ZNF160: variants seen among roughly 807,000 people sequenced by gnomAD.
ZNF160 encodes the protein KRAB zinc finger protein KR18.
ZNF160 carries 9 observed loss-of-function variants against 13.1 expected under a neutral mutation model. That is an observed-to-expected ratio of 0.69 (90% confidence interval 0.41 to 1.20). The LOEUF (loss-of-function observed/expected upper bound fraction) is 1.20. ZNF160 is among the 50% of genes most tolerant of loss of function. The pLI is 0.01. For missense variants in ZNF160, 838 were observed against 988.0 expected (o/e 0.85, Z 2.04); for synonymous variants, 293 against 333.2 (o/e 0.88, Z 1.31).
rs1229631455 is a variant in ZNF160, at chr19:53,069,208, C to G, written c.1326G>C (p.Arg442Ser). The change falls in exon 6 of 6, where the codon AGG becomes AGC. Residue 442 changes from arginine (R) to serine (S), a missense_variant. Coordinates refer to ENST00000683776, the MANE Select transcript of ZNF160 (RefSeq NM_001322131.2). This position sits in a 1 kb window ranked among gnomAD's most constrained non-coding sequence, Gnocchi z 4.4. Reference sequence around the variant, plus strand: ...TCTCACCAGTATGAACTCTCCGATGCCTTCCGAGGTATGAATTGTACCTAA... The same window carrying G: ...TCTCACCAGTATGAACTCTCCGATGGCTTCCGAGGTATGAATTGTACCTAA... The part of the protein sequence containing the change: ...KVFRYNSYLG[R>S]HRRVHTGEKP... The G allele has an allele frequency of 1.9e-6, 3 of 1,610,872 alleles. No individual in the cohort carries two copies. The highest frequency in any genetic ancestry group is 2.5e-6 in the Non-Finnish European group (3 of 1,177,896).
intron 1 of ZNF160, among the ~76,000 whole-genome samples, 196 bp downstream of exon 1, chr19:53,103,069 A>T (rs1333098698): frequency 6.6e-6 from 1 of 152,088 alleles, no homozygotes; most frequent in Non-Finnish European, 1.5e-5. Flanking sequence ...GGCGGTGAGG[A>T]CTTTAAGCGA....
chr19:53,072,851 A>T (rs2084230697), intron 5 of ZNF160: 4 of 543,512 alleles, frequency 7.4e-6, no homozygotes, highest in Non-Finnish European at 9.4e-6. Flanking sequence ...AACTTCATTT[A>T]AAAAAAAAAT....
intron 3 of ZNF160, among the ~76,000 whole-genome samples, chr19:53,080,804 T>C (rs1180588790): frequency 1.3e-5 from 2 of 152,172 alleles, no homozygotes; most frequent in Non-Finnish European, 2.9e-5. Context: ...TGCATCACAT[T>C]ACCTGACTTC....
rs2084266431 is a variant in ZNF160 at position 53,073,583 on chromosome 19, C to T, written c.271+557G>A. On this transcript the variant is annotated intron_variant, in intron 5 of 5. Coordinates refer to ENST00000683776, the MANE Select transcript of ZNF160 (RefSeq NM_001322131.2). ...GGACTAAGGACTATGGAGGCTTCCCCTCTGACCCATATGGACTAAGAACTG... is the reference window on the plus strand; with the variant it reads ...GGACTAAGGACTATGGAGGCTTCCCTTCTGACCCATATGGACTAAGAACTG... The T allele has an allele frequency of 5.4e-6, 8 of 1,484,820 alleles. No homozygotes were observed. The South Asian group carries it at 9.3e-5, about 17-fold the overall frequency. The allele number at this position is 1,484,820 out of a possible 1,614,324, so 92.0% of individuals were successfully genotyped here.
chr19:53,101,707 C>T lies in ZNF160; in HGVS notation c.-354+1558G>A, dbSNP rs141227610. Among the ~76,000 whole-genome samples, 1,402 of 152,284 alleles carry T rather than the reference C, an allele frequency of 9.2e-3. 11 individuals carry two copies. Among genetic ancestry groups the T allele is most frequent in the Non-Finnish European group, 0.015 (992 of 68,020 alleles). On this transcript the variant is annotated intron_variant, in intron 1 of 5. Coordinates refer to ENST00000683776, the MANE Select transcript of ZNF160 (RefSeq NM_001322131.2). ...TCTCTTCACTGCCCCCACCCTACCCCATCCTCGGAAACAGGAAGAGGGAGA... is the reference window on the plus strand; with the variant it reads ...TCTCTTCACTGCCCCCACCCTACCCTATCCTCGGAAACAGGAAGAGGGAGA...
chr19:53,068,578 A>G lies in ZNF160; in HGVS notation c.1956T>C (p.Asn652=), dbSNP rs1466462390. The part of the protein sequence containing the change: ...IHTGEKPYKC[N]ECGKAFSMHS... ...GCATACTAAAGGCTTTCCCACACTC[A>G]TTACACTTGTAAGGTTTCTCTCCAG... is the stretch of plus-strand genomic sequence containing the variant. The change falls in exon 6 of 6, where the codon AAT becomes AAC. Residue 652 remains asparagine (N), a synonymous_variant. Coordinates refer to ENST00000683776, the MANE Select transcript of ZNF160 (RefSeq NM_001322131.2). The G allele has an allele frequency of 6.2e-7, 1 of 1,614,128 alleles. No homozygotes were observed. Among genetic ancestry groups the G allele is most frequent in the Admixed American group, 1.7e-5 (1 of 60,010 alleles).
rs2084287443 is a variant in ZNF160 at position 53,074,123 on chromosome 19, C to A, written c.271+17G>T. ...TAGTTAATGAGTGGCCTTCTCTCTG[C>A]CCATCTGAGCTCTTACCTGTGACCA... On this transcript the variant is annotated intron_variant, in intron 5 of 5. Coordinates refer to ENST00000683776, the MANE Select transcript of ZNF160 (RefSeq NM_001322131.2). 6.2e-7 allele frequency: 1 copy of A among 1,612,364 alleles called. No homozygotes were observed.
chr19:53,097,878 G>C (rs556509364), intron 1 of ZNF160, among the ~76,000 whole-genome samples: 1 of 152,154 alleles, frequency 6.6e-6, no homozygotes, highest in Non-Finnish European at 1.5e-5. Flanking sequence ...GGATGCTGTG[G>C]AGCAGCTCTG....
chr19:53,075,551 G>A, intron 3 of ZNF160: 1 of 349,560 alleles, frequency 2.9e-6, no homozygotes, highest in East Asian at 7.7e-5. Context: ...GGGAATGAAA[G>A]TTCAGTTGAT....
In ZNF160 at chr19:53,067,799, T is replaced by C. The variant is rs1363248323; in HGVS notation, c.*278A>G. 3 of 345,182 alleles carry C rather than the reference T, an allele frequency of 8.7e-6. No homozygotes were observed. The highest frequency in any genetic ancestry group is 1.1e-5 in the Non-Finnish European group (2 of 190,422). The allele number at this position is 345,182 out of a possible 1,614,324, so 21.4% of individuals were successfully genotyped here. On this transcript the variant is annotated 3_prime_UTR_variant, in exon 6 of 6. Coordinates refer to ENST00000683776, the MANE Select transcript of ZNF160 (RefSeq NM_001322131.2). ...AGACTGTTATTCCTCCTAGGAATCC[T>C]CACTTACCATCGGTCACTGGGTAAT...
intron 3 of ZNF160, chr19:53,085,717 T>A (rs919531018): frequency 6.7e-6 from 2 of 297,652 alleles, no homozygotes; most frequent in Non-Finnish European, 1.3e-5. Context: ...GATGATGGAA[T>A]GAAAGAATCA....
At chr19:53,088,248 A>C (rs1353981484) in intron 2 of ZNF160, among the ~76,000 whole-genome samples, 1 of 152,230 alleles carries the variant, frequency 6.6e-6, no homozygotes, top group Non-Finnish European at 1.5e-5. Context: ...GACAGGAAGA[A>C]AAAGATGAGG....
chr19:53,073,288 T>C (rs780392679), intron 5 of ZNF160: 8 of 1,562,354 alleles, frequency 5.1e-6, no homozygotes, highest in African/African-American at 1.4e-5. Context: ...TGAGGATCAA[T>C]GACAGAAGGA....
intron 5 of ZNF160, among the ~76,000 whole-genome samples, chr19:53,072,321 C>T (rs546807657): frequency 8.5e-5 from 13 of 152,220 alleles, no homozygotes; most frequent in African/African-American, 2.6e-4. Flanking sequence ...GGGCCGGTCT[C>T]GAACTCCTGA....
rs372464150 is a variant in ZNF160 at position 53,068,822 on chromosome 19, C to T, written c.1712G>A (p.Gly571Asp). The T allele has an allele frequency of 6.2e-7, 1 of 1,612,740 alleles. No homozygotes were observed. Among genetic ancestry groups the T allele is most frequent in the African/African-American group, 1.3e-5 (1 of 74,934 alleles). The change falls in exon 6 of 6, where the codon GGT (glycine) becomes GAT (aspartate). Residue 571 changes from glycine (G) to aspartate (D), a missense_variant. Transcript: ENST00000683776. Reference protein sequence around the residue: ...GEKPYKCNECGKVFAQTSQLA... With the variant: ...GEKPYKCNECDKVFAQTSQLA... Reference sequence around the variant, plus strand: ...TTGTGATGTTTGAGCGAAGACTTTACCACATTCATTACACTTGTAAGGTTT... The same window carrying T: ...TTGTGATGTTTGAGCGAAGACTTTATCACATTCATTACACTTGTAAGGTTT...
rs2084344113 is a variant in ZNF160, at chr19:53,075,267, GA to G, written c.16-85del. 4.5e-6 allele frequency: 7 copies of G among 1,547,718 alleles called. No homozygotes were observed. In the South Asian group the frequency reaches 7.2e-5, roughly 16 times the overall value. On this transcript the variant is annotated intron_variant, in intron 3 of 5. Transcript: ENST00000683776. ...AAAGGAGAAGAGGAGAAAAATGTGA[GA>G]ATAGGTTAAATTGAAGTGGGTGAGC...
intron 3 of ZNF160, 198 bp downstream of exon 3, chr19:53,086,064 G>A: frequency 2.1e-6 from 3 of 1,411,650 alleles, no homozygotes; most frequent in Admixed American, 2.0e-5. Flanking sequence ...CATGCCCAGT[G>A]CAGCCTCTTC....
rs1319685642 is a variant in ZNF160, at chr19:53,067,955, A to C, written c.*122T>G. On this transcript the variant is annotated 3_prime_UTR_variant, in exon 6 of 6. Coordinates refer to ENST00000683776, the MANE Select transcript of ZNF160 (RefSeq NM_001322131.2). ...TGATGTCTCTTGCTTATGGCCTCTC[A>C]TATCTATTAATGCTTCAACTCATGA... The C allele has an allele frequency of 2.2e-6, 3 of 1,369,400 alleles. No homozygotes were observed. Among genetic ancestry groups the C allele is most frequent in the Non-Finnish European group, 3.0e-6 (3 of 1,010,094 alleles). 84.8% of individuals were successfully genotyped at this position (1,369,400 alleles called of 1,614,324 possible).
chr19:53,080,435 G>A (rs962509099), intron 3 of ZNF160, among the ~76,000 whole-genome samples: 6 of 152,150 alleles, frequency 3.9e-5, no homozygotes, highest in African/African-American at 1.4e-4. Flanking sequence ...TAATGTTCAA[G>A]CTGAGAAACA....
Sources: allele counts gnomAD v4.1 joint callset (sites outside exome capture counted in the v4.1 genomes callset), GRCh38; gene constraint gnomAD v4.1.1; non-coding constraint Gnocchi (gnomAD v3.1); transcripts MANE v1.5; gene names NCBI Gene and HGNC (gene_info 2026-07-23, HGNC 2026-07-21).